Variants in BOC observed in about 807,000 individuals in gnomAD.
BOC encodes BOC cell adhesion associated, oncogene regulated, also known as brother of CDO.
A neutral mutation model predicts 112.0 loss-of-function variants in BOC; 76 were observed. The observed-to-expected ratio is 0.68, with a 90% CI of 0.56 to 0.82. BOC has a LOEUF of 0.82. Ranked by LOEUF, BOC falls within the 40% of genes least tolerant of loss-of-function variation. The pLI, the probability that BOC is intolerant of heterozygous loss-of-function variation, is 0.00. For missense variants in BOC, 1,309 were observed against 1,511.7 expected (o/e 0.87, Z 2.22); for synonymous variants, 580 against 599.8 (o/e 0.97, Z 0.48).
chr3:113,213,317 C>T (rs1360542302), intron 1 of BOC, among the ~76,000 whole-genome samples: 3 of 152,074 alleles, frequency 2.0e-5, no homozygotes, highest in Non-Finnish European at 4.4e-5. Flanking sequence ...GCCCAGCACA[C>T]ATTTGTCACC....
chr3:113,278,003 C>T lies in BOC; in HGVS notation c.1543-92C>T, dbSNP rs943098919. 1.9e-5 allele frequency: 28 copies of T among 1,501,760 alleles called. No homozygotes were observed. The highest frequency in any genetic ancestry group is 2.3e-5 in the Non-Finnish European group (25 of 1,096,616). The allele number at this position is 1,501,760 out of a possible 1,614,324, so 93.0% of individuals were successfully genotyped here. ...TTATCGTCCTTCCCCTTCTCCTGCC[C>T]TCTTGGGCTCAGCGCTGCTTTCTTT... is the stretch of plus-strand genomic sequence containing the variant. On this transcript the variant is annotated intron_variant, in intron 9 of 19. Transcript: ENST00000682979. This position sits in a 1 kb window ranked among gnomAD's most constrained non-coding sequence, Gnocchi z 4.2.
chr3:113,286,908 A>ATTT lies in BOC; in HGVS notation c.*46_*47insTTT, dbSNP rs772149722. 2.0e-3 allele frequency: 2,209 copies of ATTT among 1,112,494 alleles called. 46 individuals are homozygous for ATTT. The African/African-American group carries it at 0.029, about 15-fold the overall frequency. 68.9% of individuals were successfully genotyped at this position (1,112,494 alleles called of 1,614,324 possible). The stretch of plus-strand genomic sequence containing the variant: ...AAGACTATATATTGTTTTTTTTTTA[A>ATTT]AAAAAAAAAGAAGAAAAAAGAGACA... On this transcript the variant is annotated 3_prime_UTR_variant, in exon 20 of 20. Coordinates refer to ENST00000682979, the MANE Select transcript of BOC (RefSeq NM_001378074.1).
At chr3:113,249,933 A>G (rs536960189) in intron 3 of BOC, 34 bp downstream of exon 3, 2 of 1,569,920 alleles carry the variant, frequency 1.3e-6, no homozygotes, top group African/African-American at 1.3e-5. Context: ...CTGCCCTTAC[A>G]GTCAAATGGA....
chr3:113,237,825 C>T (rs1305506124), intron 2 of BOC, among the ~76,000 whole-genome samples: 1 of 152,162 alleles, frequency 6.6e-6, no homozygotes, highest in African/African-American at 2.4e-5. Context: ...GTCAGGCTAA[C>T]GTTCTTTCTC....
intron 4 of BOC, among the ~76,000 whole-genome samples, chr3:113,257,044 G>A (rs1292990906): frequency 6.6e-6 from 1 of 152,190 alleles, no homozygotes; most frequent in Non-Finnish European, 1.5e-5. Flanking sequence ...GTCTAGCAAA[G>A]TTGACACATG....
chr3:113,244,065 A>G (rs551078808), intron 2 of BOC, among the ~76,000 whole-genome samples: 2 of 152,322 alleles, frequency 1.3e-5, no homozygotes, highest in African/African-American at 4.8e-5. Context: ...GCCATGGCCC[A>G]GTAGTGACAC....
In BOC at chr3:113,274,089, T is replaced by G. The variant is rs1425251521; in HGVS notation, c.1235-286T>G. 6.6e-6 allele frequency among the ~76,000 whole-genome samples: 1 copy of G among 152,158 alleles called. No homozygotes were observed. The highest frequency in any genetic ancestry group is 1.5e-5 in the Non-Finnish European group (1 of 68,026). ...GGGCCTCGGGAGAAAATTGAGTTAG[T>G]TCACTGGAGATGCACCTCACGTGGA... On this transcript the variant is annotated intron_variant, in intron 8 of 19. Transcript: ENST00000682979. The surrounding 1 kb of genome is among the most constrained non-coding windows in gnomAD (Gnocchi z 4.8).
chr3:113,246,302 G>T (rs4682477), intron 2 of BOC, among the ~76,000 whole-genome samples: 61,650 of 151,896 alleles, frequency 0.41, 13,909 homozygotes, highest in East Asian at 0.6. Context: ...TCTCTGCTTT[G>T]TCTCAGAAAA....
intron 4 of BOC, among the ~76,000 whole-genome samples, chr3:113,260,980 TG>T (rs1946813293): frequency 6.6e-6 from 1 of 152,138 alleles, no homozygotes; most frequent in Admixed American, 6.5e-5. Context: ...CCAAAAAGGT[TG>T]GGGACCACTG....
intron 2 of BOC, among the ~76,000 whole-genome samples, chr3:113,242,327 T>G (rs1197255138): frequency 1.3e-5 from 2 of 152,110 alleles, no homozygotes; most frequent in Non-Finnish European, 2.9e-5. Flanking sequence ...ATTTGTAGAT[T>G]TTTTTTGAAA....
At chr3:113,280,979 A>C in intron 14 of BOC, 52 bp from the exon 15 acceptor site, 10 of 1,601,514 alleles carry the variant, frequency 6.2e-6, no homozygotes, top group Non-Finnish European at 8.5e-6. Context: ...GATTGGGATC[A>C]AGAAAACCAT....
At chr3:113,238,655 T>C (rs928600723) in intron 2 of BOC, among the ~76,000 whole-genome samples, 1 of 152,074 alleles carries the variant, frequency 6.6e-6, no homozygotes, top group African/African-American at 2.4e-5. Context: ...GAACCAAGGG[T>C]TTTAGGATCA....
At chr3:113,272,337 C>A in intron 6 of BOC, 73 bp from the exon 7 acceptor site, 2 of 1,521,736 alleles carry the variant, frequency 1.3e-6, no homozygotes, top group Middle Eastern at 2.2e-4. Context: ...CTCTCTGGGA[C>A]TGCCTCCTGG....
chr3:113,257,072 C>G (rs1946303633), intron 4 of BOC, among the ~76,000 whole-genome samples: 1 of 152,184 alleles, frequency 6.6e-6, no homozygotes, highest in Non-Finnish European at 1.5e-5. Flanking sequence ...CCATCACAGT[C>G]CCCTACTGTC....
chr3:113,228,159 A>C (rs1379185765), intron 2 of BOC, among the ~76,000 whole-genome samples: 1 of 152,232 alleles, frequency 6.6e-6, no homozygotes, highest in Admixed American at 6.5e-5. Flanking sequence ...ATGTTCAATA[A>C]GCATTATTGA....
intron 4 of BOC, chr3:113,251,191 T>C (rs548452265): frequency 1.1e-3 from 560 of 505,496 alleles, no homozygotes; most frequent in Non-Finnish European, 1.7e-3. Flanking sequence ...CTGTCCCAAC[T>C]GCTCACACAC....
intron 19 of BOC, 72 bp from the exon 20 acceptor site, chr3:113,286,603 G>T: frequency 7.9e-7 from 1 of 1,269,246 alleles, no homozygotes; most frequent in Non-Finnish European, 1.1e-6. Flanking sequence ...GATAGAGATT[G>T]GCCCAGTGTC....
intron 1 of BOC, among the ~76,000 whole-genome samples, chr3:113,213,625 C>T (rs187447312): frequency 6.6e-6 from 1 of 152,082 alleles, no homozygotes; most frequent in African/African-American, 2.4e-5. Flanking sequence ...AGAGGTTAGC[C>T]ATTTTGAGGT....
At chr3:113,242,193 G>A (rs1444536070) in intron 2 of BOC, among the ~76,000 whole-genome samples, 2 of 151,942 alleles carry the variant, frequency 1.3e-5, no homozygotes, top group Admixed American at 1.3e-4. Context: ...TAGCAGGGTT[G>A]TCAAATTGAA....
Sources: allele counts gnomAD v4.1 joint callset (sites outside exome capture counted in the v4.1 genomes callset), GRCh38; gene constraint gnomAD v4.1.1; non-coding constraint Gnocchi (gnomAD v3.1); transcripts MANE v1.5; gene names NCBI Gene and HGNC (gene_info 2026-07-23, HGNC 2026-07-21).